Variants in IFT43 observed in about 807,000 individuals in gnomAD.
IFT43 encodes the protein intraflagellar transport 43.
In IFT43, 33 loss-of-function variants were observed where a neutral mutation model predicts 32.3. The observed-to-expected ratio is 1.02, with a 90% CI of 0.77 to 1.37. The LOEUF (loss-of-function observed/expected upper bound fraction) is 1.37. Ranked by LOEUF, IFT43 falls within the 40% of genes most tolerant of loss-of-function variation. The pLI is 0.00. For synonymous variants in IFT43, 93 were observed against 98.2 expected, an observed-to-expected ratio of 0.95 and a Z score of 0.31; for missense variants, 274 against 265.9, an observed-to-expected ratio of 1.03 and a Z score of -0.21.
chr14:76,036,348 C>CT (rs1566718643), intron 3 of IFT43, among the ~76,000 whole-genome samples: 1 of 149,310 alleles, frequency 6.7e-6, no homozygotes, highest in African/African-American at 2.5e-5. Context: ...TCCTTCCTTC[C>CT]TTTTTTTTGT....
chr14:76,030,106 T>G (rs1203345112), intron 3 of IFT43, among the ~76,000 whole-genome samples: 1 of 152,060 alleles, frequency 6.6e-6, no homozygotes, highest in Non-Finnish European at 1.5e-5. Flanking sequence ...GAGGCTGGTC[T>G]CAAACTCCTG....
intron 5 of IFT43, among the ~76,000 whole-genome samples, chr14:76,069,142 C>A (rs943752695): frequency 6.6e-6 from 1 of 152,110 alleles, no homozygotes; most frequent in African/African-American, 2.4e-5. Context: ...AGGAAGCTTC[C>A]ACTCATGGCA....
chr14:76,083,639 A>G lies in IFT43; in HGVS notation c.*62A>G. On this transcript the variant is annotated 3_prime_UTR_variant, in exon 9 of 9. Coordinates refer to ENST00000314067, the MANE Select transcript of IFT43 (RefSeq NM_001102564.3). Reference sequence around the variant, plus strand: ...TGAGCTTAAAGCTAAAGAAGCTTGTAAGCAGCTCCGAATTTTTACCTGGAA... The same window carrying G: ...TGAGCTTAAAGCTAAAGAAGCTTGTGAGCAGCTCCGAATTTTTACCTGGAA... 1 of 1,534,810 alleles carries G rather than the reference A, an allele frequency of 6.5e-7. No individual in the cohort carries two copies. Among genetic ancestry groups the G allele is most frequent in the Non-Finnish European group, 9.0e-7 (1 of 1,113,952 alleles).
chr14:75,991,465 AG>A (rs1014804820), intron 2 of IFT43, among the ~76,000 whole-genome samples: 10 of 149,558 alleles, frequency 6.7e-5, no homozygotes, highest in African/African-American at 2.5e-4. Flanking sequence ...TTAATTGTGA[AG>A]GAGGTTATAG....
At chr14:76,045,650 T>C (rs1483534591) in intron 3 of IFT43, among the ~76,000 whole-genome samples, 1 of 152,214 alleles carries the variant, frequency 6.6e-6, no homozygotes. Context: ...TTTGTCACCA[T>C]GCTCGTGCCT....
At chr14:75,995,798 G>A (rs958971144) in intron 2 of IFT43, among the ~76,000 whole-genome samples, 4 of 152,152 alleles carry the variant, frequency 2.6e-5, no homozygotes, top group African/African-American at 9.7e-5. Context: ...TGATAACGTT[G>A]CCAAAGAGGG....
At chr14:76,050,424 G>A (rs369221485) in intron 3 of IFT43, among the ~76,000 whole-genome samples, 74 of 151,602 alleles carry the variant, frequency 4.9e-4, no homozygotes, top group African/African-American at 1.7e-3. Flanking sequence ...TGGATGTGGT[G>A]GGAGTGTTTG....
At chr14:76,048,644 G>GT (rs1241673922) in intron 3 of IFT43, among the ~76,000 whole-genome samples, 3 of 152,202 alleles carry the variant, frequency 2.0e-5, no homozygotes, top group Non-Finnish European at 4.4e-5. Flanking sequence ...CATCATCCGA[G>GT]TTTTTTCTGG....
intron 2 of IFT43, among the ~76,000 whole-genome samples, chr14:76,017,954 G>T (rs975494709): frequency 2.6e-5 from 4 of 151,454 alleles, no homozygotes; most frequent in Non-Finnish European, 5.9e-5. Flanking sequence ...TTCTTGGTTG[G>T]TCTAGCTAGC....
chr14:76,026,723 C>T (rs371037956), intron 3 of IFT43, among the ~76,000 whole-genome samples: 1 of 152,040 alleles, frequency 6.6e-6, no homozygotes, highest in African/African-American at 2.4e-5. Context: ...CCCAGCAATC[C>T]CATTACTGGG....
rs144996193 is a variant in IFT43, at chr14:75,992,307, G to C, written c.147+3330G>C. 2.0e-3 allele frequency among the ~76,000 whole-genome samples: 299 copies of C among 152,224 alleles called. 3 individuals are homozygous for C. The highest frequency in any genetic ancestry group is 6.8e-3 in the African/African-American group (284 of 41,522). ...TAGTAATACCACCAGGTTGATATGG[G>C]GGCAAGTGAGATACGCATTGAGACG... On this transcript the variant is annotated intron_variant, in intron 2 of 8. Coordinates refer to ENST00000314067, the MANE Select transcript of IFT43 (RefSeq NM_001102564.3).
chr14:76,057,608 G>A (rs1333172249), intron 3 of IFT43, among the ~76,000 whole-genome samples: 5 of 151,604 alleles, frequency 3.3e-5, no homozygotes, highest in Non-Finnish European at 7.4e-5. Context: ...AGTTATTTGC[G>A]TTTTGCAAGA....
chr14:76,063,867 C>G (rs2037184547), intron 5 of IFT43, among the ~76,000 whole-genome samples: 1 of 152,152 alleles, frequency 6.6e-6, no homozygotes, highest in South Asian at 2.1e-4. Flanking sequence ...TGTATAATCC[C>G]AGGCCATGCA....
In IFT43 at chr14:75,986,129, C is replaced by T. The variant is rs927302719; in HGVS notation, c.54+289C>T. The T allele has an allele frequency of 9.3e-6, 13 of 1,398,310 alleles. No individual in the cohort carries two copies. In the African/African-American group the frequency reaches 1.7e-4, roughly 19 times the overall value. The allele number at this position is 1,398,310 out of a possible 1,614,324, so 86.6% of individuals were successfully genotyped here. On this transcript the variant is annotated intron_variant, in intron 1 of 8. Transcript: ENST00000314067. ...CGAGCCTTTCTCCGTTTTCTAGAGCCCCGAGTGCGAACTTCCCCAGAACAG... is the reference window on the plus strand; with the variant it reads ...CGAGCCTTTCTCCGTTTTCTAGAGCTCCGAGTGCGAACTTCCCCAGAACAG...
intron 2 of IFT43, among the ~76,000 whole-genome samples, chr14:76,021,438 GT>G (rs1713218006): frequency 6.6e-6 from 1 of 152,156 alleles, no homozygotes; most frequent in East Asian, 1.9e-4. Flanking sequence ...TGTCAGTCAT[GT>G]ACATATAACT....
Position 76,083,677 on chromosome 14 carries a change from A to C in IFT43, c.*100A>C. On this transcript the variant is annotated 3_prime_UTR_variant, in exon 9 of 9. Transcript: ENST00000314067. ...TTTTTACCTGGAATATTTTGTAATA[A>C]AAATATTTATATTCAGTCAACCACA... is the stretch of plus-strand genomic sequence containing the variant. The C allele has an allele frequency of 8.8e-7, 1 of 1,135,780 alleles. No homozygotes were observed. Among genetic ancestry groups the C allele is most frequent in the Non-Finnish European group, 1.3e-6 (1 of 775,354 alleles). 70.4% of individuals were successfully genotyped at this position (1,135,780 alleles called of 1,614,324 possible).
At chr14:76,074,734 G>T (rs1483880167) in intron 5 of IFT43, among the ~76,000 whole-genome samples, 1 of 152,170 alleles carries the variant, frequency 6.6e-6, no homozygotes, top group Non-Finnish European at 1.5e-5. Flanking sequence ...ACATAATGAG[G>T]TCCAGCATTC....
chr14:76,041,811 C>T (rs2036712522), intron 3 of IFT43, among the ~76,000 whole-genome samples: 1 of 151,986 alleles, frequency 6.6e-6, no homozygotes, highest in African/African-American at 2.4e-5. Flanking sequence ...TCTTTTTTAT[C>T]TTTGCAGTAA....
chr14:75,994,878 C>G (rs913210242), intron 2 of IFT43, among the ~76,000 whole-genome samples: 6 of 152,210 alleles, frequency 3.9e-5, no homozygotes, highest in Non-Finnish European at 7.3e-5. Context: ...GACCCAGATG[C>G]TTTCTACCGA....
Sources: gnomAD v4.1 joint callset for allele counts (sites outside exome capture counted in the v4.1 genomes callset) on GRCh38, gnomAD v4.1.1 for gene constraint, MANE v1.5 for transcripts, NCBI Gene and HGNC (gene_info 2026-07-23, HGNC 2026-07-21) for gene names.